The following ATP11C variants were observed in gnomAD, a reference collection of about 807,000 sequenced individuals.
ATP11C encodes phospholipid-transporting ATPase IG.
ATP11C carries 36 observed loss-of-function variants against 97.4 expected under a neutral mutation model. The observed-to-expected ratio is 0.37, with a 90% confidence interval of 0.28 to 0.49. ATP11C has a LOEUF of 0.49. Ranked by LOEUF, ATP11C falls within the 20% of genes least tolerant of loss-of-function variation. The probability of loss-of-function intolerance (pLI) is 0.98; values close to 1 mark genes in which losing one functional copy is unlikely to be tolerated. For missense variants in ATP11C, 730 were observed against 824.6 expected (o/e 0.89, Z 1.40); for synonymous variants, 275 against 290.9 (o/e 0.95, Z 0.56).
chrX:139,862,264 T>C (rs770388640), intron 1 of ATP11C, among the ~76,000 whole-genome samples: 39 of 111,385 alleles, frequency 3.5e-4, no homozygotes, highest in African/African-American at 1.2e-3. Context: ...TCCTTTGTAA[T>C]AAACCAGTAA....
rs2081264951 is a variant in ATP11C, at chrX:139,727,069, A to C, written c.*1897T>G. The C allele has an allele frequency of 9.0e-6, 1 of 111,692 alleles. No homozygotes were observed. Among genetic ancestry groups the C allele is most frequent in the Non-Finnish European group, 1.9e-5 (1 of 53,081 alleles). The allele number at this position is 111,692 out of a possible 1,213,427, so 9.2% of individuals were successfully genotyped here. ...CTTGTCTTTCTTTCTTTCTGGCTGG[A>C]AGGAATTTTACATGCAACCAGTTAT... On this transcript the variant is annotated 3_prime_UTR_variant, in exon 30 of 30. Transcript: ENST00000682941.
At chrX:139,822,126 G>GT (rs774145634) in intron 2 of ATP11C, among the ~76,000 whole-genome samples, 11 of 112,489 alleles carry the variant, frequency 9.8e-5, no homozygotes, top group African/African-American at 2.9e-4. Context: ...GTGTATAGCA[G>GT]TTTTTTAGAC....
chrX:139,852,232 T>C (rs897867040), intron 1 of ATP11C, among the ~76,000 whole-genome samples: 4 of 110,275 alleles, frequency 3.6e-5, no homozygotes, highest in Non-Finnish European at 5.7e-5. Context: ...CAGAAGTACC[T>C]TGCACCGCTG....
chrX:139,769,851 A>T (rs977467617), intron 19 of ATP11C, among the ~76,000 whole-genome samples: 1 of 111,468 alleles, frequency 9.0e-6, no homozygotes, highest in African/African-American at 3.3e-5. Context: ...GTGTGATGTG[A>T]GATTTTGCAT....
intron 1 of ATP11C, among the ~76,000 whole-genome samples, chrX:139,900,483 C>T (rs1333345482): frequency 1.9e-5 from 2 of 107,990 alleles, no homozygotes; most frequent in Non-Finnish European, 3.8e-5. Context: ...TTACAATAAA[C>T]ATTTTTGAAA....
chrX:139,839,718 C>T (rs2083799943), intron 1 of ATP11C, among the ~76,000 whole-genome samples: 1 of 111,718 alleles, frequency 9.0e-6, no homozygotes, highest in Non-Finnish European at 1.9e-5. Flanking sequence ...CCAGGCCCCA[C>T]TTGAATCGTT....
At chrX:139,892,136 C>T (rs756967102) in intron 1 of ATP11C, among the ~76,000 whole-genome samples, 5 of 111,455 alleles carry the variant, frequency 4.5e-5, no homozygotes, top group South Asian at 7.6e-4. Context: ...GGATTACGGG[C>T]GCGAGCTACT....
intron 5 of ATP11C, among the ~76,000 whole-genome samples, chrX:139,813,001 G>A (rs2083209700): frequency 8.9e-6 from 1 of 111,925 alleles, no homozygotes; most frequent in African/African-American, 3.3e-5. Flanking sequence ...CTCCCACTCT[G>A]TAGTCTTCCT....
chrX:139,787,188 C>A lies in ATP11C; in HGVS notation c.1577G>T (p.Arg526Ile), dbSNP rs147128476. 2.5e-6 allele frequency: 3 copies of A among 1,194,197 alleles called. No individual in the cohort carries two copies. Among genetic ancestry groups the A allele is most frequent in the Non-Finnish European group, 3.4e-6 (3 of 881,325 alleles). ...RNGYMRVENQ[R>I]KEIEEYELLH... ...AGCTACTTACTCTTCTATTTCTTTT[C>A]TTTGGTTCTCTACTCTCATATATCC... Residue 526 changes from arginine to isoleucine, a missense_variant, in exon 15 of 30, where the codon AGA (arginine) becomes ATA (isoleucine). By Grantham distance (97) the Arg-to-Ile change is moderately conservative. Transcript: ENST00000682941.
chrX:139,783,291 T>C, intron 16 of ATP11C, 24 bp from the exon 17 acceptor site: 3 of 1,084,694 alleles, frequency 2.8e-6, no homozygotes, highest in Non-Finnish European at 3.8e-6. Context: ...CCATAGTACT[T>C]GACTTAGAAT....
chrX:139,772,700 C>T (rs1211110579), intron 19 of ATP11C, among the ~76,000 whole-genome samples: 1 of 111,815 alleles, frequency 8.9e-6, no homozygotes, highest in African/African-American at 3.3e-5. Context: ...TTCAGACTTG[C>T]ATGGGCCCTC....
chrX:139,817,027 A>T (rs2083300432), intron 3 of ATP11C, 84 bp from the exon 4 acceptor site: 3 of 565,022 alleles, frequency 5.3e-6, no homozygotes, highest in Admixed American at 7.0e-5. Flanking sequence ...AAACATTTCA[A>T]ACAGAAACAT....
At chrX:139,800,802 G>A (rs1250023620) in intron 7 of ATP11C, among the ~76,000 whole-genome samples, 1 of 111,694 alleles carries the variant, frequency 9.0e-6, no homozygotes, top group East Asian at 2.8e-4. Context: ...CTAATCCCTC[G>A]TTAACATCAG....
At chrX:139,729,118 A>G (rs5954350) in intron 29 of ATP11C, among the ~76,000 whole-genome samples, 156 bp from the exon 30 acceptor site, 2,842 of 111,902 alleles carry the variant, frequency 0.025, 77 homozygotes, top group African/African-American at 0.088. Flanking sequence ...GGGGAAAAAA[A>G]GAGTGACACT....
chrX:139,779,190 C>T (rs1453084262), intron 18 of ATP11C, among the ~76,000 whole-genome samples: 7 of 111,361 alleles, frequency 6.3e-5, no homozygotes, highest in African/African-American at 2.3e-4. Flanking sequence ...AGGCAGAAAA[C>T]TAACAAAGAA....
chrX:139,890,314 T>C (rs2084707865), intron 1 of ATP11C, among the ~76,000 whole-genome samples: 1 of 111,063 alleles, frequency 9.0e-6, no homozygotes, highest in Non-Finnish European at 1.9e-5. Flanking sequence ...GAGGATTCCT[T>C]GAAGCCAGGA....
intron 19 of ATP11C, among the ~76,000 whole-genome samples, chrX:139,769,317 T>TATATATATATATAG (rs1317181023): frequency 2.5e-5 from 2 of 80,347 alleles, no homozygotes; most frequent in Non-Finnish European, 4.7e-5. Flanking sequence ...TATATATATA[T>TATATATATATATAG]ATATATATAT....
intron 1 of ATP11C, among the ~76,000 whole-genome samples, chrX:139,918,653 G>A (rs1016725461): frequency 1.1e-5 from 1 of 93,883 alleles, no homozygotes; most frequent in Non-Finnish European, 2.1e-5. Context: ...TCCAGCCTGG[G>A]TGACAGACTG....
intron 1 of ATP11C, among the ~76,000 whole-genome samples, chrX:139,839,912 T>C (rs1488979426): frequency 9.0e-6 from 1 of 111,009 alleles, no homozygotes; most frequent in Non-Finnish European, 1.9e-5. Flanking sequence ...TCCCTGAGTA[T>C]TCCACTGTTT....
Sources: gnomAD v4.1 joint callset for allele counts (sites outside exome capture counted in the v4.1 genomes callset) on GRCh38, gnomAD v4.1.1 for gene constraint, MANE v1.5 for transcripts, NCBI Gene and HGNC (gene_info 2026-07-23, HGNC 2026-07-21) for gene names.